CACNA1C: variants seen among roughly 807,000 people sequenced by gnomAD.
CACNA1C encodes the protein voltage-dependent L-type calcium channel subunit alpha-1C.
Under a neutral mutation model 229.0 loss-of-function variants are expected in CACNA1C, and 30 were observed. That is an observed-to-expected ratio of 0.13 (90% CI 0.10 to 0.18). The LOEUF (loss-of-function observed/expected upper bound fraction) is 0.18, where lower values mean the gene tolerates loss of function less well. Among genes scored for constraint, CACNA1C ranks in the 10% least tolerant of loss-of-function variants. CACNA1C has a pLI of 1.00. For synonymous variants in CACNA1C, 1,114 were observed against 1,132.5 expected, an observed-to-expected ratio of 0.98 and a Z score of 0.33; for missense variants, 1,658 against 2,845.0, an observed-to-expected ratio of 0.58 and a Z score of 9.49.
At chr12:2,340,711 A>C (rs2096836337) in intron 3 of CACNA1C, among the ~76,000 whole-genome samples, 1 of 152,228 alleles carries the variant, frequency 6.6e-6, no homozygotes, top group Admixed American at 6.5e-5. Flanking sequence ...TAATCCCAGC[A>C]CTTTGGGAGG....
At chr12:2,463,357 A>T (rs931733721) in intron 5 of CACNA1C, among the ~76,000 whole-genome samples, 1 of 152,238 alleles carries the variant, frequency 6.6e-6, no homozygotes, top group African/African-American at 2.4e-5. Flanking sequence ...TACTTACTTT[A>T]TGTAAGATTT....
Position 2,611,908 on chromosome 12 carries a change from C to T in CACNA1C, c.3723C>T (p.Tyr1241=), listed in dbSNP as rs377686760. ...LNTICLAMQH[Y]GQSCLFKIAM... is the part of the protein sequence containing the mutation. ...CCTCCCCTCTCCTGATGCAGCACTA[C>T]GGCCAGAGCTGCCTGTTCAAAATCG... Residue 1241 remains tyrosine (Y), a synonymous_variant, in exon 29 of 47, where the codon TAC becomes TAT. Coordinates refer to ENST00000399655, the MANE Select transcript of CACNA1C (RefSeq NM_000719.7). 34 of 1,605,012 alleles carry T rather than the reference C, an allele frequency of 2.1e-5. No homozygotes were observed. The highest frequency in any genetic ancestry group is 5.0e-5 in the Admixed American group (3 of 59,972).
chr12:2,545,992 T>C (rs1256193626), intron 9 of CACNA1C, among the ~76,000 whole-genome samples: 2 of 152,288 alleles, frequency 1.3e-5, no homozygotes, highest in African/African-American at 2.4e-5. Context: ...CATGCTTCCA[T>C]GTAGTAGCTG....
intron 3 of CACNA1C, among the ~76,000 whole-genome samples, chr12:2,129,992 C>T (rs1437959698): frequency 6.6e-6 from 1 of 152,112 alleles, no homozygotes; most frequent in Non-Finnish European, 1.5e-5. Context: ...GGTTTTATAA[C>T]ATTGATTTTG....
intron 29 of CACNA1C, among the ~76,000 whole-genome samples, chr12:2,618,294 G>A (rs116073810): frequency 0.02 from 3,120 of 152,312 alleles, 114 homozygotes; most frequent in African/African-American, 0.072. Flanking sequence ...TGTGGGCCAG[G>A]CCTCTTTCCC....
intron 1 of CACNA1C, among the ~76,000 whole-genome samples, chr12:2,039,482 A>G (rs2049717214): frequency 6.6e-6 from 1 of 152,224 alleles, no homozygotes; most frequent in African/African-American, 2.4e-5. Flanking sequence ...TCATTTATTC[A>G]TCAGATGTTT....
chr12:2,036,727 G>A (rs951478090), intron 1 of CACNA1C, among the ~76,000 whole-genome samples: 1 of 151,922 alleles, frequency 6.6e-6, no homozygotes, highest in Non-Finnish European at 1.5e-5. Flanking sequence ...GCCTCCCAAA[G>A]TGCTGGGATT....
intron 1 of CACNA1C, among the ~76,000 whole-genome samples, chr12:2,074,524 C>T (rs978947003): frequency 2.0e-5 from 3 of 152,040 alleles, no homozygotes; most frequent in African/African-American, 4.8e-5. Flanking sequence ...TCCTTTGTAC[C>T]ATGAACTTGT....
intron 9 of CACNA1C, among the ~76,000 whole-genome samples, chr12:2,517,895 C>T (rs2099800658): frequency 6.6e-6 from 1 of 152,238 alleles, no homozygotes; most frequent in Admixed American, 6.5e-5. Context: ...AAATATCCAT[C>T]CTTACAGGAA....
intron 5 of CACNA1C, among the ~76,000 whole-genome samples, chr12:2,473,552 A>G (rs191644724): frequency 2.8e-3 from 422 of 152,364 alleles, no homozygotes; most frequent in Non-Finnish European, 4.0e-3. Flanking sequence ...GAAGAAGGAA[A>G]GGTACTAGAA....
chr12:2,198,790 T>C (rs967684203), intron 3 of CACNA1C, among the ~76,000 whole-genome samples: 14 of 152,022 alleles, frequency 9.2e-5, no homozygotes, highest in Non-Finnish European at 1.8e-4. Flanking sequence ...CGGCCCTCAT[T>C]CCCACCACAT....
At chr12:1,989,031 C>G (rs1489910191) in intron 1 of CACNA1C, among the ~76,000 whole-genome samples, 1 of 152,202 alleles carries the variant, frequency 6.6e-6, no homozygotes, top group Non-Finnish European at 1.5e-5. Context: ...AAAAGAATTT[C>G]ATTGCAATCC....
intron 11 of CACNA1C, among the ~76,000 whole-genome samples, chr12:2,563,798 C>A (rs1057101151): frequency 7.9e-5 from 12 of 152,258 alleles, no homozygotes; most frequent in African/African-American, 2.9e-4. Flanking sequence ...GGAGGGGCTT[C>A]TGCCCTGGAA....
rs554616012 is a variant in CACNA1C at position 2,153,380 on chromosome 12, C to G, written c.477+32950C>G. ...ATTTTAAAGTGGCATTGAGTACATTCATACTGTTGTGCAACCATCACAACC... is the reference window on the plus strand; with the variant it reads ...ATTTTAAAGTGGCATTGAGTACATTGATACTGTTGTGCAACCATCACAACC... On this transcript the variant is annotated intron_variant, in intron 3 of 46. Coordinates refer to ENST00000399655, the MANE Select transcript of CACNA1C (RefSeq NM_000719.7). 2.6e-5 allele frequency among the ~76,000 whole-genome samples: 4 copies of G among 152,216 alleles called. No homozygotes were observed. The East Asian group carries it at 7.7e-4, about 29-fold the overall frequency.
At chr12:2,145,928 G>A (rs1002278742) in intron 3 of CACNA1C, among the ~76,000 whole-genome samples, 1 of 151,232 alleles carries the variant, frequency 6.6e-6, no homozygotes, top group Non-Finnish European at 1.5e-5. Flanking sequence ...ACCCTCCTGA[G>A]CCTCAGTTTC....
intron 22 of CACNA1C, among the ~76,000 whole-genome samples, chr12:2,604,731 T>C (rs938822508): frequency 8.5e-5 from 13 of 152,368 alleles, no homozygotes; most frequent in Middle Eastern, 6.8e-3. Flanking sequence ...GGCTAGCAAG[T>C]GCCTGCACTG....
intron 1 of CACNA1C, among the ~76,000 whole-genome samples, chr12:1,995,330 G>A (rs975077336): frequency 1.3e-5 from 2 of 152,194 alleles, no homozygotes; most frequent in African/African-American, 4.8e-5. Context: ...GAGTGAGAAC[G>A]CACCCTGTGT....
rs58278337 is a variant in CACNA1C, at chr12:2,649,685, TTTTG to T, written c.3945+1186_3945+1189del. Among the ~76,000 whole-genome samples the T allele has an allele frequency of 0.25, 38,198 of 151,370 alleles. 5,239 individuals are homozygous for T. The highest frequency in any genetic ancestry group is 0.37 in the African/African-American group (15,180 of 40,948). ...TTGGTGTTTGGCGTTTTTTGGGTTT[TTTTG>T]TTTGTTTATTTTGTTTTTTTAACTG... On this transcript the variant is annotated intron_variant, in intron 31 of 46. Transcript: ENST00000399655. This position sits in a 1 kb window ranked among gnomAD's most constrained non-coding sequence, Gnocchi z 4.4.
intron 3 of CACNA1C, among the ~76,000 whole-genome samples, chr12:2,225,048 G>A (rs1303696178): frequency 6.6e-6 from 1 of 152,124 alleles, no homozygotes; most frequent in East Asian, 1.9e-4. Flanking sequence ...AGAGTGTGAA[G>A]GCTTGTCAAG....
Sources: allele counts gnomAD v4.1 joint callset (sites outside exome capture counted in the v4.1 genomes callset), GRCh38; gene constraint gnomAD v4.1.1; non-coding constraint Gnocchi (gnomAD v3.1); transcripts MANE v1.5; gene names NCBI Gene and HGNC (gene_info 2026-07-23, HGNC 2026-07-21).